LARS2: variants seen among roughly 807,000 people sequenced by gnomAD.
LARS2 encodes the protein leucyl-tRNA synthetase 2, mitochondrial.
A neutral mutation model predicts 116.6 loss-of-function variants in LARS2; 81 were observed. The observed-to-expected ratio is 0.69, with a 90% CI of 0.58 to 0.84. LARS2 has a LOEUF of 0.84. LARS2 is among the 40% of genes least tolerant of loss of function. LARS2 has a pLI of 0.00. For missense variants in LARS2, 968 were observed against 1,114.5 expected (o/e 0.87, Z 1.87); for synonymous variants, 396 against 407.2 (o/e 0.97, Z 0.33).
intron 3 of LARS2, among the ~76,000 whole-genome samples, chr3:45,397,573 T>C (rs930224039): frequency 3.3e-5 from 5 of 152,156 alleles, no homozygotes; most frequent in African/African-American, 1.2e-4. Context: ...TGGGGCAAGA[T>C]TGGTAAATTA....
At chr3:45,425,488 G>A (rs1553628767) in intron 6 of LARS2, among the ~76,000 whole-genome samples, 1 of 152,210 alleles carries the variant, frequency 6.6e-6, no homozygotes, top group Non-Finnish European at 1.5e-5. Flanking sequence ...TTTGTGAATG[G>A]AAGTGGTCAG....
At chr3:45,415,613 C>T (rs1385450791) in intron 4 of LARS2, among the ~76,000 whole-genome samples, 2 of 151,788 alleles carry the variant, frequency 1.3e-5, no homozygotes, top group South Asian at 2.1e-4. Flanking sequence ...TTTGGGAGGC[C>T]GAGGCAGGCA....
At chr3:45,501,286 G>A (rs767487497) in intron 15 of LARS2, among the ~76,000 whole-genome samples, 6 of 149,964 alleles carry the variant, frequency 4.0e-5, no homozygotes, top group Non-Finnish European at 7.4e-5. Context: ...CCACCACCTC[G>A]CCCCTAGCTA....
intron 4 of LARS2, among the ~76,000 whole-genome samples, chr3:45,416,278 TG>T (rs1195226314): frequency 2.7e-5 from 4 of 148,054 alleles, no homozygotes; most frequent in Admixed American, 2.7e-4. Context: ...AAGAAAGGGA[TG>T]AACTTCAGGA....
intron 13 of LARS2, among the ~76,000 whole-genome samples, chr3:45,492,807 C>T (rs1043483529): frequency 6.6e-5 from 10 of 152,196 alleles, no homozygotes; most frequent in Non-Finnish European, 1.5e-5. Flanking sequence ...CAGGGACTTG[C>T]CAGCCATCCT....
At chr3:45,481,032 G>A (rs1221107838) in intron 10 of LARS2, among the ~76,000 whole-genome samples, 1 of 152,032 alleles carries the variant, frequency 6.6e-6, no homozygotes, top group African/African-American at 2.4e-5. Flanking sequence ...AGACCCTCTG[G>A]CAGTCATCCC....
intron 21 of LARS2, among the ~76,000 whole-genome samples, chr3:45,543,474 T>TTTTTTTTA (rs1559502502): frequency 6.7e-6 from 1 of 150,200 alleles, no homozygotes; most frequent in African/African-American, 2.5e-5. Context: ...TTTTTTTATT[T>TTTTTTTTA]TTTTTTTTGG....
At position 45,491,553 on chromosome 3, in the gene LARS2, C is replaced by T. The variant is rs202154816; in HGVS notation, c.1276C>T (p.Leu426=). 1 of 1,614,050 alleles carries T rather than the reference C, an allele frequency of 6.2e-7. No homozygotes were observed. The highest frequency in any genetic ancestry group is 8.5e-7 in the Non-Finnish European group (1 of 1,180,034). Residue 426 remains leucine, a synonymous_variant, in exon 13 of 22, where the codon CTG becomes TTG. Coordinates refer to ENST00000645846, the MANE Select transcript of LARS2 (RefSeq NM_015340.4). The part of the protein sequence containing the change: ...GMTRQDAFLA[L]TQKARGKRVG... ...GACCCGGCAGGATGCTTTTCTAGCC[C>T]TGACTCAGAAAGCCCGGGGGAAGAG...
Position 45,491,810 on chromosome 3 carries a change from C to T in LARS2, c.1523+10C>T. ...ACTGCTCCTGCCCAAGGTAAGGAGC[C>T]ACATCCCTGCAGTGGTGACTGTGCC... On this transcript the variant is annotated intron_variant, in intron 13 of 21. Transcript: ENST00000645846. 1 of 1,611,262 alleles carries T rather than the reference C, an allele frequency of 6.2e-7. No homozygotes were observed. Among genetic ancestry groups the T allele is most frequent in the East Asian group, 2.2e-5 (1 of 44,856 alleles).
chr3:45,530,326 C>T lies in LARS2; in HGVS notation c.2404+6218C>T, dbSNP rs192868920. Among the ~76,000 whole-genome samples the T allele has an allele frequency of 2.0e-5, 3 of 152,316 alleles. No homozygotes were observed. The East Asian group carries it at 5.8e-4, about 29-fold the overall frequency. ...TCATGAGGTCAAAGATCAAGACCATCTTGGCCAACATGGTGAAACCCCATC... is the reference window on the plus strand; with the variant it reads ...TCATGAGGTCAAAGATCAAGACCATTTTGGCCAACATGGTGAAACCCCATC... On this transcript the variant is annotated intron_variant, in intron 20 of 21. Coordinates refer to ENST00000645846, the MANE Select transcript of LARS2 (RefSeq NM_015340.4).
intron 13 of LARS2, 75 bp downstream of exon 13, chr3:45,491,875 C>T: frequency 1.4e-6 from 2 of 1,383,406 alleles, no homozygotes; most frequent in Non-Finnish European, 2.0e-6. Context: ...CAGCCTCCTC[C>T]CTCCTGGTGC....
intron 8 of LARS2, among the ~76,000 whole-genome samples, chr3:45,460,534 T>G (rs1699298883): frequency 6.6e-6 from 1 of 152,234 alleles, no homozygotes; most frequent in South Asian, 2.1e-4. Flanking sequence ...TTTCAACTGT[T>G]CAGTGGAAAT....
chr3:45,479,564 G>A (rs1164804775), intron 10 of LARS2, among the ~76,000 whole-genome samples: 2 of 152,172 alleles, frequency 1.3e-5, no homozygotes, highest in Non-Finnish European at 2.9e-5. Flanking sequence ...TTTGTGCTTA[G>A]CATCCTTAAT....
intron 10 of LARS2, among the ~76,000 whole-genome samples, chr3:45,485,304 A>G (rs1172197597): frequency 6.6e-6 from 1 of 152,086 alleles, no homozygotes; most frequent in Non-Finnish European, 1.5e-5. Context: ...CTCCACTTCC[A>G]TCTTCAAGTG....
intron 16 of LARS2, 119 bp downstream of exon 16, chr3:45,513,354 G>C (rs1297069954): frequency 2.8e-6 from 2 of 715,360 alleles, no homozygotes; most frequent in Non-Finnish European, 5.0e-6. Context: ...AGAGAGACCC[G>C]CTGGCTGTGA....
intron 19 of LARS2, among the ~76,000 whole-genome samples, chr3:45,521,166 G>T (rs1393563691): frequency 1.3e-5 from 2 of 152,108 alleles, no homozygotes; most frequent in East Asian, 3.9e-4. Context: ...TTAGCCAGGC[G>T]TGGTGGCAGG....
At position 45,458,893 on chromosome 3, in the gene LARS2, G is replaced by T; in HGVS notation, c.750+7G>T. The T allele has an allele frequency of 6.2e-7, 1 of 1,613,808 alleles. No individual in the cohort carries two copies. Among genetic ancestry groups the T allele is most frequent in the South Asian group, 1.1e-5 (1 of 91,070 alleles). ...GACAACCGCTTATGCAAAGGTGAGT[G>T]TCAGCCTGGAGGCTCCCCACTAATG... On this transcript the variant is annotated splice_region_variant and intron_variant, in intron 8 of 21. Coordinates refer to ENST00000645846, the MANE Select transcript of LARS2 (RefSeq NM_015340.4).
At chr3:45,420,627 A>G (rs1177454531) in intron 6 of LARS2, among the ~76,000 whole-genome samples, 1 of 152,224 alleles carries the variant, frequency 6.6e-6, no homozygotes, top group Non-Finnish European at 1.5e-5. Context: ...TAAGCCCTGA[A>G]TTATTATTTC....
At chr3:45,413,127 A>G (rs1461413373) in intron 4 of LARS2, among the ~76,000 whole-genome samples, 4 of 152,228 alleles carry the variant, frequency 2.6e-5, no homozygotes, top group East Asian at 3.8e-4. Context: ...AGAACTTCCA[A>G]TGCCTAGCAC....
Sources: allele counts gnomAD v4.1 joint callset (sites outside exome capture counted in the v4.1 genomes callset), GRCh38; gene constraint gnomAD v4.1.1; transcripts MANE v1.5; gene names NCBI Gene and HGNC (gene_info 2026-07-23, HGNC 2026-07-21).